SLC22A25: variants seen among roughly 807,000 people sequenced by gnomAD.
The protein encoded by SLC22A25 is solute carrier family 22 member 25, also known as MGI:2442751, MGI:2385316, MGI:3042283, MGI:3645714, MGI:3605624, MGI:2442750.
In SLC22A25, 44 loss-of-function variants were observed where a neutral mutation model predicts 45.9. The ratio of observed to expected loss-of-function variants is 0.96; its 90% CI spans 0.75 to 1.23. The LOEUF (loss-of-function observed/expected upper bound fraction) is 1.23, where lower values mean the gene tolerates loss of function less well. SLC22A25 is among the 50% of genes most tolerant of loss of function. SLC22A25 has a pLI of 0.00. For synonymous variants in SLC22A25, 283 were observed against 238.6 expected, an observed-to-expected ratio of 1.19 and a Z score of -1.72; for missense variants, 800 against 666.4, an observed-to-expected ratio of 1.20 and a Z score of -2.21.
At chr11:63,183,466 G>GTGCCTC (rs1374654232) in intron 8 of SLC22A25, among the ~76,000 whole-genome samples, 1 of 152,056 alleles carries the variant, frequency 6.6e-6, no homozygotes, top group African/African-American at 2.4e-5. Context: ...TTAACACTCT[G>GTGCCTC]TGCCTCTGCC....
intron 7 of SLC22A25, among the ~76,000 whole-genome samples, chr11:63,184,931 A>G (rs1395667856): frequency 6.6e-6 from 1 of 152,138 alleles, no homozygotes; most frequent in Non-Finnish European, 1.5e-5. Flanking sequence ...GGCTGACATG[A>G]CAGAAGCAGA....
At chr11:63,233,144 C>T (rs952692156) in intron 3 of SLC22A25, among the ~76,000 whole-genome samples, 11 of 152,130 alleles carry the variant, frequency 7.2e-5, no homozygotes, top group Admixed American at 7.2e-4. Context: ...TGATGCTGGC[C>T]TCATAAAATG....
At chr11:63,201,003 A>G (rs1435875439) in intron 7 of SLC22A25, among the ~76,000 whole-genome samples, 4 of 152,224 alleles carry the variant, frequency 2.6e-5, no homozygotes, top group African/African-American at 9.6e-5. Context: ...CAAAGAAATC[A>G]GAGATGATAC....
intron 7 of SLC22A25, among the ~76,000 whole-genome samples, chr11:63,184,264 G>T (rs564104189): frequency 1.4e-4 from 22 of 152,142 alleles, no homozygotes; most frequent in African/African-American, 5.3e-4. Flanking sequence ...GACCAAAACT[G>T]GATATATTAG....
intron 5 of SLC22A25, chr11:63,217,960 C>A: frequency 1.6e-6 from 1 of 644,096 alleles, no homozygotes; most frequent in Non-Finnish European, 2.8e-6. Flanking sequence ...CAATCTGTTG[C>A]CAGTAGATCA....
chr11:63,162,401 T>A lies in SLC22A25; in HGVS notation c.*1423A>T, dbSNP rs1462810198. Among the ~76,000 whole-genome samples, 1 of 152,160 alleles carries A rather than the reference T, an allele frequency of 6.6e-6. No individual in the cohort carries two copies. The highest frequency in any genetic ancestry group is 1.5e-5 in the Non-Finnish European group (1 of 68,034). On this transcript the variant is annotated 3_prime_UTR_variant, in exon 12 of 12. Transcript: ENST00000306494. ...CTTGTAGCAGTTTCATAGTTTGAGGTCTTAGATTCAAGTTTTTAATGCATT... is the reference window on the plus strand; with the variant it reads ...CTTGTAGCAGTTTCATAGTTTGAGGACTTAGATTCAAGTTTTTAATGCATT...
At chr11:63,226,710 C>G (rs1015786106) in intron 5 of SLC22A25, among the ~76,000 whole-genome samples, 1 of 152,182 alleles carries the variant, frequency 6.6e-6, no homozygotes, top group Non-Finnish European at 1.5e-5. Context: ...ACCAGCCAAC[C>G]TTGTGTCCTT....
Position 63,229,922 on chromosome 11 carries a change from G to T in SLC22A25, c.-270C>A, listed in dbSNP as rs1225973996. Among the ~76,000 whole-genome samples, 2 of 152,098 alleles carry T rather than the reference G, an allele frequency of 1.3e-5. No homozygotes were observed. The highest frequency in any genetic ancestry group is 2.1e-4 in the South Asian group (1 of 4,826). The stretch of plus-strand genomic sequence containing the variant: ...CTTCCAACCATTTTCAATGAAATGT[G>T]TTTAAACATTAGACATCTACTTATT... On this transcript the variant is annotated 5_prime_UTR_variant, in exon 4 of 12. Transcript: ENST00000306494.
chr11:63,206,309 T>G (rs1481108263), intron 7 of SLC22A25, among the ~76,000 whole-genome samples: 4 of 152,076 alleles, frequency 2.6e-5, no homozygotes, highest in Admixed American at 6.6e-5. Flanking sequence ...GAGAAAGAAA[T>G]AAAGGGTATT....
chr11:63,185,363 C>T (rs1263873755), intron 7 of SLC22A25, among the ~76,000 whole-genome samples: 1 of 151,662 alleles, frequency 6.6e-6, no homozygotes, highest in African/African-American at 2.4e-5. Flanking sequence ...GTTCAATTCC[C>T]ACCTATGAGT....
chr11:63,163,974 C>G lies in SLC22A25; in HGVS notation c.1494G>C (p.Trp498Cys). The change falls in exon 12 of 12, where the codon TGG (tryptophan) becomes TGC (cysteine). Residue 498 changes from tryptophan (W) to cysteine (C), a missense_variant. Transcript: ENST00000306494. ...ILSIYSRPLP[W>C]IIYGVFAILS... ...GGATGGCAAAGACTCCATAGATGAT[C>G]CAGGGCAGGGGTCGAGAATATATGC... 1 of 1,613,848 alleles carries G rather than the reference C, an allele frequency of 6.2e-7. No homozygotes were observed. The highest frequency in any genetic ancestry group is 8.5e-7 in the Non-Finnish European group (1 of 1,179,880).
chr11:63,219,771 T>C, intron 5 of SLC22A25: 1 of 472,740 alleles, frequency 2.1e-6, no homozygotes, highest in Admixed American at 2.8e-5. Flanking sequence ...CTACCTTATC[T>C]TGCACCACCC....
rs150920552 is a variant in SLC22A25 at position 63,229,569 on chromosome 11, G to A, written c.84C>T (p.Asn28=). ...ILQMVFLIMF[N]VIVYHQTQLE... ...GCTGAGTTTGATGGTATACTATGAC[G>A]TTGAACATTATAAGGAAAACCATCT... is the stretch of plus-strand genomic sequence containing the variant. The change falls in exon 4 of 12, where the codon AAC becomes AAT. Residue 28 remains asparagine, a synonymous_variant. Coordinates refer to ENST00000306494, the MANE Select transcript of SLC22A25 (RefSeq NM_199352.6). 3.6e-3 allele frequency: 5,875 copies of A among 1,614,028 alleles called. 17 individuals are homozygous for A. Among genetic ancestry groups the A allele is most frequent in the Non-Finnish European group, 4.4e-3 (5,222 of 1,179,936 alleles).
At chr11:63,239,434 C>T (rs911790219) in intron 1 of SLC22A25, among the ~76,000 whole-genome samples, 1 of 152,134 alleles carries the variant, frequency 6.6e-6, no homozygotes, top group Admixed American at 6.5e-5. Flanking sequence ...AAGCATCAAC[C>T]TTTGATCTCC....
intron 7 of SLC22A25, among the ~76,000 whole-genome samples, chr11:63,206,669 A>G (rs1272299258): frequency 2.0e-5 from 3 of 152,102 alleles, no homozygotes; most frequent in Admixed American, 6.6e-5. Flanking sequence ...TTCTGTGCTC[A>G]TGGATAGAAT....
chr11:63,238,773 C>A lies in SLC22A25; in HGVS notation c.-633G>T. The A allele has an allele frequency of 4.5e-6, 1 of 224,116 alleles. No homozygotes were observed. 13.9% of individuals were successfully genotyped at this position (224,116 alleles called of 1,614,324 possible). A position where few individuals can be genotyped will look rare whatever the true frequency, so the allele number is the denominator to read the frequency against. On this transcript the variant is annotated 5_prime_UTR_variant, in exon 2 of 12. Transcript: ENST00000306494. ...TGTTGTACACCCTGCTGTCCACACA[C>A]GGTTCCATGTCTGGTTCATTCATAT... is the stretch of plus-strand genomic sequence containing the variant.
At chr11:63,181,956 G>C (rs10897383) in intron 8 of SLC22A25, among the ~76,000 whole-genome samples, 54,947 of 151,826 alleles carry the variant, frequency 0.36, 10,295 homozygotes, top group East Asian at 0.56. Context: ...CATAGGAGAT[G>C]AATGTTACGT....
intron 9 of SLC22A25, among the ~76,000 whole-genome samples, chr11:63,175,582 C>T (rs771128556): frequency 7.9e-5 from 12 of 151,984 alleles, no homozygotes; most frequent in South Asian, 6.2e-4. Flanking sequence ...ATTTCCTTTG[C>T]TGTGCAGAAG....
At chr11:63,207,373 G>A (rs2089435369) in intron 7 of SLC22A25, among the ~76,000 whole-genome samples, 1 of 152,060 alleles carries the variant, frequency 6.6e-6, no homozygotes, top group Non-Finnish European at 1.5e-5. Flanking sequence ...CTATTCATCT[G>A]GCAAAGGGCT....
Sources: gnomAD v4.1 joint callset for allele counts (sites outside exome capture counted in the v4.1 genomes callset) on GRCh38, gnomAD v4.1.1 for gene constraint, MANE v1.5 for transcripts, NCBI Gene and HGNC (gene_info 2026-07-23, HGNC 2026-07-21) for gene names.